TTLL11: variants seen among roughly 807,000 people sequenced by gnomAD.
TTLL11 encodes tubulin tyrosine ligase like 11.
Under a neutral mutation model 51.7 loss-of-function variants are expected in TTLL11, and 42 were observed. The ratio of observed to expected loss-of-function variants is 0.81; its 90% CI spans 0.64 to 1.05. TTLL11 has a LOEUF of 1.05. Among genes scored for constraint, TTLL11 ranks in the 50% least tolerant of loss-of-function variants. TTLL11 has a pLI of 0.00. For synonymous variants in TTLL11, 381 were observed against 383.5 expected, an observed-to-expected ratio of 0.99 and a Z score of 0.08; for missense variants, 799 against 940.4, an observed-to-expected ratio of 0.85 and a Z score of 1.97.
At chr9:122,059,127 T>C (rs1439452184) in intron 1 of TTLL11, among the ~76,000 whole-genome samples, 1 of 152,192 alleles carries the variant, frequency 6.6e-6, no homozygotes, top group Non-Finnish European at 1.5e-5. Flanking sequence ...GAAAAGCCTG[T>C]ATCCTGTTGC....
chr9:121,974,815 T>C, intron 5 of TTLL11, 69 bp downstream of exon 5: 1 of 1,184,804 alleles, frequency 8.4e-7, no homozygotes, highest in Non-Finnish European at 1.2e-6. Flanking sequence ...TTTTGTTAAG[T>C]GAGCAACATG....
At chr9:121,897,640 A>ACACACACACATG (rs111331446) in intron 6 of TTLL11, among the ~76,000 whole-genome samples, 6 of 139,292 alleles carry the variant, frequency 4.3e-5, no homozygotes, top group African/African-American at 1.6e-4. Context: ...ACACACACAC[A>ACACACACACATG]CGCGCGCGCG....
intron 6 of TTLL11, among the ~76,000 whole-genome samples, chr9:121,879,632 G>C (rs1462072359): frequency 6.6e-6 from 1 of 152,216 alleles, no homozygotes; most frequent in Non-Finnish European, 1.5e-5. Context: ...GGCAGGCTAA[G>C]GCCCCCGGAC....
intron 6 of TTLL11, among the ~76,000 whole-genome samples, chr9:121,912,842 T>G (rs1840188396): frequency 6.6e-6 from 1 of 152,096 alleles, no homozygotes; most frequent in East Asian, 1.9e-4. Flanking sequence ...AAAGGCATTC[T>G]TTTCCTCATT....
At position 121,816,113 on chromosome 9, in the gene TTLL11, C is replaced by T. The variant is rs1836398593; in HGVS notation, c.*6474G>A. On this transcript the variant is annotated 3_prime_UTR_variant, in exon 9 of 9. Transcript: ENST00000321582. The stretch of plus-strand genomic sequence containing the variant: ...GGAGCAGGGATCAGAGAGGTAAAGT[C>T]ACTGGCCCGTGGTCATTTAGGCAGA... 1 of 152,206 alleles carries T rather than the reference C, an allele frequency of 6.6e-6. No individual in the cohort carries two copies. The highest frequency in any genetic ancestry group is 1.5e-5 in the Non-Finnish European group (1 of 68,048). The allele number at this position is 152,206 out of a possible 1,614,324, so 9.4% of individuals were successfully genotyped here. A position where few individuals can be genotyped will look rare whatever the true frequency, so the allele number is the denominator to read the frequency against.
chr9:121,927,616 A>G (rs1476871252), intron 6 of TTLL11, among the ~76,000 whole-genome samples: 1 of 135,720 alleles, frequency 7.4e-6, no homozygotes, highest in African/African-American at 2.8e-5. Flanking sequence ...TCACAAGAGC[A>G]CAGAAGGTGG....
chr9:121,824,504 A>G (rs1173536012), intron 8 of TTLL11, among the ~76,000 whole-genome samples: 1 of 151,866 alleles, frequency 6.6e-6, no homozygotes, highest in African/African-American at 2.4e-5. Context: ...AGAAAAGAAA[A>G]AAAGAAACTG....
chr9:121,964,169 G>GGAA (rs1482416105), intron 6 of TTLL11, among the ~76,000 whole-genome samples: 3 of 148,352 alleles, frequency 2.0e-5, no homozygotes, highest in Middle Eastern at 3.4e-3. Context: ...AATAAAAGTT[G>GGAA]GAAAAAAAAA....
chr9:122,003,563 C>T (rs1843550544), intron 3 of TTLL11, among the ~76,000 whole-genome samples: 1 of 147,194 alleles, frequency 6.8e-6, no homozygotes, highest in African/African-American at 2.5e-5. Flanking sequence ...CGGCTCACTG[C>T]AACCTCTGCC....
At chr9:121,826,570 T>C (rs565063382) in intron 8 of TTLL11, among the ~76,000 whole-genome samples, 37,519 of 111,900 alleles carry the variant, frequency 0.34, 8,123 homozygotes, top group East Asian at 0.43. Flanking sequence ...TATATATATA[T>C]ATATATATAT....
intron 6 of TTLL11, among the ~76,000 whole-genome samples, chr9:121,941,889 A>G (rs1029539260): frequency 6.6e-6 from 1 of 152,074 alleles, no homozygotes; most frequent in Admixed American, 6.6e-5. Context: ...TGTACCCAGC[A>G]GGAATCCTGC....
At chr9:121,924,810 T>G (rs1300118791) in intron 6 of TTLL11, among the ~76,000 whole-genome samples, 1 of 151,940 alleles carries the variant, frequency 6.6e-6, no homozygotes, top group African/African-American at 2.4e-5. Context: ...GCCCAGCTAC[T>G]TTTATCATCT....
intron 6 of TTLL11, among the ~76,000 whole-genome samples, chr9:121,966,729 A>G (rs1416388396): frequency 1.3e-5 from 2 of 152,212 alleles, no homozygotes; most frequent in African/African-American, 4.8e-5. Flanking sequence ...ACATTGGTGT[A>G]GGAGTCAGGC....
chr9:121,881,930 C>T (rs2131419199), intron 6 of TTLL11, among the ~76,000 whole-genome samples: 1 of 152,254 alleles, frequency 6.6e-6, no homozygotes, highest in South Asian at 2.1e-4. Context: ...GAATCCTGCC[C>T]CTGTTCCCAA....
chr9:122,010,092 T>C (rs889105285), intron 3 of TTLL11, among the ~76,000 whole-genome samples: 3 of 152,188 alleles, frequency 2.0e-5, no homozygotes, highest in Non-Finnish European at 4.4e-5. Flanking sequence ...CATTATTTCA[T>C]GTATTAATAT....
chr9:122,033,266 C>T (rs1395944601), intron 2 of TTLL11, among the ~76,000 whole-genome samples: 16 of 152,166 alleles, frequency 1.1e-4, no homozygotes, highest in Admixed American at 9.2e-4. Flanking sequence ...GTGTGCACCA[C>T]CATGCCCAGC....
At chr9:121,860,037 G>A (rs1837956265) in intron 8 of TTLL11, among the ~76,000 whole-genome samples, 2 of 152,180 alleles carry the variant, frequency 1.3e-5, no homozygotes, top group Admixed American at 1.3e-4. Flanking sequence ...CCAAGGCTGG[G>A]CCCAGCATCT....
At chr9:121,921,383 G>T (rs1165504600) in intron 6 of TTLL11, among the ~76,000 whole-genome samples, 1 of 152,164 alleles carries the variant, frequency 6.6e-6, no homozygotes, top group Non-Finnish European at 1.5e-5. Context: ...GAGGCAGGGG[G>T]GTGAACAGAG....
intron 6 of TTLL11, among the ~76,000 whole-genome samples, chr9:121,892,121 TCC>T (rs1248675076): frequency 7.6e-6 from 1 of 131,538 alleles, no homozygotes; most frequent in African/African-American, 2.8e-5. Flanking sequence ...TTAAAAAGTC[TCC>T]TTCTACCTTT....
Sources: gnomAD v4.1 joint callset for allele counts (sites outside exome capture counted in the v4.1 genomes callset) on GRCh38, gnomAD v4.1.1 for gene constraint, MANE v1.5 for transcripts, NCBI Gene and HGNC (gene_info 2026-07-23, HGNC 2026-07-21) for gene names.